Variants in FRMD4A observed in about 807,000 individuals in gnomAD.
FRMD4A encodes FERM domain containing 4A, also known as FERM domain-containing protein 4A.
A neutral mutation model predicts 129.1 loss-of-function variants in FRMD4A; 29 were observed. The observed-to-expected ratio is 0.22, with a 90% CI of 0.17 to 0.31. The LOEUF is 0.31. Ranked by LOEUF, FRMD4A falls within the 10% of genes least tolerant of loss-of-function variation. The pLI is 1.00. For missense variants in FRMD4A, 1,272 were observed against 1,375.8 expected (o/e 0.92, Z 1.19); for synonymous variants, 634 against 571.6 (o/e 1.11, Z -1.56).
chr10:14,014,775 G>A lies in FRMD4A; in HGVS notation c.46-155863C>T, dbSNP rs72776622. Among the ~76,000 whole-genome samples the A allele has an allele frequency of 4.0e-3, 607 of 152,256 alleles. 3 individuals are homozygous for A. The highest frequency in any genetic ancestry group is 6.4e-3 in the Non-Finnish European group (438 of 68,008). The stretch of plus-strand genomic sequence containing the variant: ...AAAGCTTTCTCTTGGTTTTACCTAC[G>A]GTTTGCTCTGACACAGTGCGCTGTT... On this transcript the variant is annotated intron_variant, in intron 2 of 24. Coordinates refer to ENST00000357447, the MANE Select transcript of FRMD4A (RefSeq NM_018027.5).
intron 2 of FRMD4A, among the ~76,000 whole-genome samples, chr10:14,052,720 G>T (rs1019751651): frequency 1.7e-5 from 2 of 118,476 alleles, no homozygotes; most frequent in Non-Finnish European, 4.1e-5. Flanking sequence ...CACCATAACT[G>T]GCTATTTTTT....
chr10:13,777,230 C>T (rs1389322500), intron 6 of FRMD4A, among the ~76,000 whole-genome samples: 6 of 152,268 alleles, frequency 3.9e-5, no homozygotes, highest in Non-Finnish European at 8.8e-5. Flanking sequence ...TCCCCCAGTC[C>T]TTTGTCTCTG....
chr10:13,866,018 C>T (rs926226682), intron 2 of FRMD4A, among the ~76,000 whole-genome samples: 8 of 152,002 alleles, frequency 5.3e-5, no homozygotes, highest in East Asian at 3.9e-4. Context: ...TTGACATCCC[C>T]GTGAAAAGCA....
chr10:14,229,118 T>A (rs1843550643), intron 2 of FRMD4A, among the ~76,000 whole-genome samples: 1 of 152,042 alleles, frequency 6.6e-6, no homozygotes, highest in Non-Finnish European at 1.5e-5. Context: ...TGTTTTTTTT[T>A]AAGATGCTAA....
chr10:13,915,278 G>A (rs563291642), intron 2 of FRMD4A, among the ~76,000 whole-genome samples: 59 of 152,256 alleles, frequency 3.9e-4, no homozygotes, highest in African/African-American at 1.2e-3. Context: ...GTGGGAAGGC[G>A]GGGGCTAGCG....
At chr10:13,891,386 C>T (rs968739040) in intron 2 of FRMD4A, among the ~76,000 whole-genome samples, 17 of 152,162 alleles carry the variant, frequency 1.1e-4, no homozygotes, top group Admixed American at 3.3e-4. Flanking sequence ...GACTGAGGTG[C>T]CCAAGGAAAG....
intron 2 of FRMD4A, among the ~76,000 whole-genome samples, chr10:14,015,959 C>T (rs1300060668): frequency 2.0e-5 from 3 of 152,190 alleles, no homozygotes; most frequent in African/African-American, 7.2e-5. Flanking sequence ...CCATTGACCG[C>T]CTCCCTCTTC....
intron 6 of FRMD4A, among the ~76,000 whole-genome samples, chr10:13,766,087 C>A (rs572970428): frequency 6.6e-6 from 1 of 152,382 alleles, no homozygotes; most frequent in South Asian, 2.1e-4. Context: ...ACGAAGATGT[C>A]TCTACCTGCG....
chr10:14,294,945 AGGGGGATG>A (rs1845963447), intron 2 of FRMD4A, among the ~76,000 whole-genome samples: 1 of 152,274 alleles, frequency 6.6e-6, no homozygotes, highest in Non-Finnish European at 1.5e-5. Flanking sequence ...TCCTGGTATC[AGGGGGATG>A]GGATAAGCTG....
chr10:14,248,923 A>G (rs1048272773), intron 2 of FRMD4A, among the ~76,000 whole-genome samples: 7 of 152,230 alleles, frequency 4.6e-5, no homozygotes, highest in African/African-American at 1.7e-4. Flanking sequence ...GTTTGAAACA[A>G]TTGGTAAGGA....
intron 6 of FRMD4A, among the ~76,000 whole-genome samples, chr10:13,773,886 G>A (rs990493977): frequency 3.9e-5 from 6 of 152,212 alleles, no homozygotes; most frequent in Non-Finnish European, 5.9e-5. Context: ...AAGCCACACC[G>A]GAAGAGGGAG....
intron 2 of FRMD4A, among the ~76,000 whole-genome samples, chr10:14,105,119 G>C (rs1837520126): frequency 6.6e-6 from 1 of 152,124 alleles, no homozygotes; most frequent in Non-Finnish European, 1.5e-5. Flanking sequence ...CTGCATCTCT[G>C]GAGCCAAGCC....
At chr10:14,166,498 T>G (rs943229129) in intron 2 of FRMD4A, among the ~76,000 whole-genome samples, 1 of 152,228 alleles carries the variant, frequency 6.6e-6, no homozygotes. Flanking sequence ...AATAATCATT[T>G]GCTTTTTCAA....
At position 13,926,216 on chromosome 10, in the gene FRMD4A, T is replaced by G. The variant is rs567934334; in HGVS notation, c.46-67304A>C. ...ATGAGGCTGTGTATTGGAAAACATT[T>G]GTCAGCCTGCCCTGGCCAACTGTGA... On this transcript the variant is annotated intron_variant, in intron 2 of 24. Transcript: ENST00000357447. 9.8e-5 allele frequency among the ~76,000 whole-genome samples: 15 copies of G among 152,340 alleles called. No homozygotes were observed. In the East Asian group the frequency reaches 2.9e-3, roughly 29 times the overall value.
At chr10:13,739,597 C>T (rs1258376469) in intron 11 of FRMD4A, among the ~76,000 whole-genome samples, 1 of 152,178 alleles carries the variant, frequency 6.6e-6, no homozygotes, top group African/African-American at 2.4e-5. Flanking sequence ...AAATAAAGAG[C>T]ACAGTTTTGA....
At chr10:13,844,000 T>C (rs1018906473) in intron 3 of FRMD4A, among the ~76,000 whole-genome samples, 2 of 152,170 alleles carry the variant, frequency 1.3e-5, no homozygotes, top group Non-Finnish European at 2.9e-5. Context: ...CTCATGAATG[T>C]AATTTGGTGA....
chr10:13,890,495 G>A (rs2094682502), intron 2 of FRMD4A: 6 of 968,942 alleles, frequency 6.2e-6, no homozygotes, highest in Non-Finnish European at 6.1e-6. Flanking sequence ...AGAGGTGGAA[G>A]GGGGGTACCA....
Position 13,909,191 on chromosome 10 carries a change from G to A in FRMD4A, c.46-50279C>T, listed in dbSNP as rs143996087. 2.7e-3 allele frequency among the ~76,000 whole-genome samples: 407 copies of A among 152,348 alleles called. 2 individuals carry two copies. Among genetic ancestry groups the A allele is most frequent in the African/African-American group, 9.0e-3 (375 of 41,582 alleles). ...TTTGTCTTCTGCTATGTGAGACACA[G>A]TATGTGCTTAATAAATACTTGCCGA... On this transcript the variant is annotated intron_variant, in intron 2 of 24. Transcript: ENST00000357447.
At chr10:14,156,386 A>C (rs1055617397) in intron 2 of FRMD4A, among the ~76,000 whole-genome samples, 4 of 152,238 alleles carry the variant, frequency 2.6e-5, no homozygotes, top group South Asian at 2.1e-4. Flanking sequence ...AAAACTATTG[A>C]GTGAAATAAA....
Sources: allele counts gnomAD v4.1 joint callset (sites outside exome capture counted in the v4.1 genomes callset), GRCh38; gene constraint gnomAD v4.1.1; transcripts MANE v1.5; gene names NCBI Gene and HGNC (gene_info 2026-07-23, HGNC 2026-07-21).